RANBP2: variants seen among roughly 807,000 people sequenced by gnomAD.
RANBP2 encodes the protein E3 SUMO-protein ligase RanBP2.
Under a neutral mutation model 303.6 loss-of-function variants are expected in RANBP2, and 57 were observed. That is an observed-to-expected ratio of 0.19 (90% CI 0.15 to 0.23). RANBP2 has a LOEUF of 0.23. RANBP2 is among the 10% of genes least tolerant of loss of function. The pLI is 1.00. For missense variants in RANBP2, 3,138 were observed against 3,780.8 expected, an observed-to-expected ratio of 0.83 and a Z score of 4.46; for synonymous variants, 1,167 against 1,301.5, an observed-to-expected ratio of 0.90 and a Z score of 2.23.
chr2:109,233,330 G>T, the RANBP2 span, among the ~76,000 whole-genome samples: 4 of 152,200 alleles, frequency 2.6e-5, no homozygotes, highest in African/African-American at 9.6e-5. Context: ...CTGGAAAGGG[G>T]AGAGAGTGGG....
At chr2:108,929,163 G>T in the RANBP2 span, 1 of 1,612,860 alleles carries the variant, frequency 6.2e-7, no homozygotes, top group African/African-American at 1.3e-5. Context: ...TCTGCAGAAA[G>T]CATGCCAGGG....
chr2:108,755,496 G>C (rs879235127), intron 17 of RANBP2, among the ~76,000 whole-genome samples: 12 of 151,898 alleles, frequency 7.9e-5, no homozygotes, highest in Middle Eastern at 3.4e-3. Context: ...CTCAAGAGAG[G>C]CTCTTGGCTC....
At chr2:109,296,814 TAGC>T in the RANBP2 span, among the ~76,000 whole-genome samples, 1 of 152,178 alleles carries the variant, frequency 6.6e-6, no homozygotes, top group African/African-American at 2.4e-5. Flanking sequence ...CTGACCACAC[TAGC>T]AGAGCTGCTG....
At chr2:108,755,399 T>A in intron 17 of RANBP2, 140 bp downstream of exon 17, 1 of 1,392,892 alleles carries the variant, frequency 7.2e-7, no homozygotes, top group Non-Finnish European at 9.9e-7. Context: ...TGGTCTTTTT[T>A]TTTTTTTTTA....
At chr2:109,425,601 G>A in the RANBP2 span, among the ~76,000 whole-genome samples, 1 of 152,146 alleles carries the variant, frequency 6.6e-6, no homozygotes, top group South Asian at 2.1e-4. Context: ...CTCTGCCTGT[G>A]CTGTGTAAAT....
At chr2:109,668,836 A>G in the RANBP2 span, among the ~76,000 whole-genome samples, 50 of 152,122 alleles carry the variant, frequency 3.3e-4, no homozygotes, top group African/African-American at 1.2e-3. Context: ...AACAATTGGA[A>G]CCCTCCTAGC....
chr2:108,902,254 T>C, the RANBP2 span, among the ~76,000 whole-genome samples: 3 of 150,900 alleles, frequency 2.0e-5, no homozygotes, highest in African/African-American at 7.3e-5. Flanking sequence ...CATGTGCCTA[T>C]AATCCCAGCT....
At chr2:109,560,930 C>T in the RANBP2 span, among the ~76,000 whole-genome samples, 1 of 152,194 alleles carries the variant, frequency 6.6e-6, no homozygotes, top group Non-Finnish European at 1.5e-5. Flanking sequence ...TCATTGATCT[C>T]ACTTTAGTCA....
At chr2:108,721,903 G>A (rs904254265) in intron 1 of RANBP2, among the ~76,000 whole-genome samples, 10 of 151,540 alleles carry the variant, frequency 6.6e-5, no homozygotes, top group African/African-American at 2.4e-4. Context: ...CACCATGCCC[G>A]GCTTTTTTCT....
At chr2:109,079,150 A>T in the RANBP2 span, among the ~76,000 whole-genome samples, 2 of 151,802 alleles carry the variant, frequency 1.3e-5, no homozygotes, top group African/African-American at 2.4e-5. Flanking sequence ...AGCAAGGCCA[A>T]CCCCTCCTCC....
At chr2:108,787,017 C>T (rs1678935227), downstream of RANBP2, 1 of 665,246 alleles carries the variant, frequency 1.5e-6, no homozygotes, top group Admixed American at 4.5e-5. Context: ...CGGCTCTGGT[C>T]CCGGCCCCGG....
the RANBP2 span, among the ~76,000 whole-genome samples, chr2:109,602,072 G>A: frequency 1.3e-5 from 2 of 152,182 alleles, no homozygotes; most frequent in South Asian, 2.1e-4. Flanking sequence ...TGCCTAGGAA[G>A]CACTGAGCTC....
the RANBP2 span, among the ~76,000 whole-genome samples, chr2:108,844,811 G>A: frequency 2.7e-5 from 4 of 148,762 alleles, no homozygotes; most frequent in African/African-American, 1.0e-4. Flanking sequence ...GCAGTGGCAC[G>A]ATCTCGGCTC....
the RANBP2 span, among the ~76,000 whole-genome samples, chr2:109,402,629 G>A: frequency 6.6e-6 from 1 of 152,224 alleles, no homozygotes; most frequent in African/African-American, 2.4e-5. Flanking sequence ...GGGACCCAGT[G>A]TGTCCATTCA....
the RANBP2 span, among the ~76,000 whole-genome samples, chr2:108,829,799 CAG>C: frequency 2.6e-5 from 4 of 152,094 alleles, no homozygotes; most frequent in African/African-American, 7.2e-5. Flanking sequence ...GCAAGGATGT[CAG>C]AAAGTGGAAT....
the RANBP2 span, chr2:109,543,925 T>A: frequency 1.9e-6 from 1 of 530,532 alleles, no homozygotes; most frequent in South Asian, 2.4e-5. Flanking sequence ...CACATCCACC[T>A]TATACATATA....
chr2:109,721,704 T>G, the RANBP2 span, among the ~76,000 whole-genome samples: 10 of 152,346 alleles, frequency 6.6e-5, no homozygotes, highest in African/African-American at 2.4e-4. Flanking sequence ...TTCAGTATTT[T>G]ATTTTATATA....
the RANBP2 span, among the ~76,000 whole-genome samples, chr2:109,141,111 C>T: frequency 6.6e-6 from 1 of 152,180 alleles, no homozygotes; most frequent in African/African-American, 2.4e-5. Flanking sequence ...TTTTAGTCGA[C>T]TTCATCCAGG....
chr2:109,465,352 A>G, the RANBP2 span, among the ~76,000 whole-genome samples: 1 of 152,210 alleles, frequency 6.6e-6, no homozygotes, highest in Non-Finnish European at 1.5e-5. Flanking sequence ...GGAGTATGTA[A>G]GAGTATGTGC....
Sources: allele counts gnomAD v4.1 joint callset (sites outside exome capture counted in the v4.1 genomes callset), GRCh38; gene constraint gnomAD v4.1.1; transcripts MANE v1.5; gene names NCBI Gene and HGNC (gene_info 2026-07-23, HGNC 2026-07-21).